The following ZNRF2 variants were observed in gnomAD, a reference collection of about 807,000 sequenced individuals.
The protein encoded by ZNRF2 is zinc and ring finger 2.
A neutral mutation model predicts 20.4 loss-of-function variants in ZNRF2; 16 were observed. That is an observed-to-expected ratio of 0.79 (90% confidence interval 0.53 to 1.19). ZNRF2 has a LOEUF of 1.19. Ranked by LOEUF, ZNRF2 falls within the 50% of genes most tolerant of loss-of-function variation. ZNRF2 has a pLI of 0.00. For synonymous variants in ZNRF2, 178 were observed against 144.9 expected, an observed-to-expected ratio of 1.23 and a Z score of -1.64; for missense variants, 363 against 332.4, an observed-to-expected ratio of 1.09 and a Z score of -0.72.
Position 30,307,974 on chromosome 7 carries a change from T to C in ZNRF2, c.470-15668T>C, listed in dbSNP as rs191331915. Among the ~76,000 whole-genome samples, 4 of 152,268 alleles carry C rather than the reference T, an allele frequency of 2.6e-5. No individual in the cohort carries two copies. The East Asian group carries it at 7.7e-4, about 29-fold the overall frequency. On this transcript the variant is annotated intron_variant, in intron 1 of 4. Transcript: ENST00000323037. ...AGTAGAGTTAGAAAATGAATACCAA[T>C]GCACCTGTCATCCATGTGCAGTAGA...
intron 1 of ZNRF2, among the ~76,000 whole-genome samples, chr7:30,305,091 G>A (rs1799178938): frequency 1.3e-5 from 2 of 152,196 alleles, no homozygotes; most frequent in South Asian, 4.1e-4. Context: ...AATTCTGTCA[G>A]TGTGCAGTTG....
At chr7:30,325,971 G>T (rs556886036) in intron 2 of ZNRF2, among the ~76,000 whole-genome samples, 6 of 152,158 alleles carry the variant, frequency 3.9e-5, no homozygotes, top group African/African-American at 1.4e-4. Flanking sequence ...TAATATGAGT[G>T]CCTTTAAATA....
At position 30,318,028 on chromosome 7, in the gene ZNRF2, A is replaced by G. The variant is rs145597296; in HGVS notation, c.470-5614A>G. ...AGCCTATTGATTATTGCCTTCTGGA[A>G]ATAAATTAGTCAGATTACCTAATTG... On this transcript the variant is annotated intron_variant, in intron 1 of 4. Transcript: ENST00000323037. 5.3e-4 allele frequency among the ~76,000 whole-genome samples: 80 copies of G among 152,314 alleles called. 1 individual carries two copies. Among genetic ancestry groups the G allele is most frequent in the African/African-American group, 1.8e-3 (74 of 41,574 alleles).
chr7:30,338,343 T>C (rs1398141188), intron 2 of ZNRF2, among the ~76,000 whole-genome samples: 3 of 151,856 alleles, frequency 2.0e-5, no homozygotes, highest in African/African-American at 4.8e-5. Context: ...TACATAGGTA[T>C]ACATGTGCCA....
intron 2 of ZNRF2, among the ~76,000 whole-genome samples, chr7:30,347,164 T>C (rs957530149): frequency 1.8e-4 from 28 of 152,182 alleles, no homozygotes; most frequent in Admixed American, 5.2e-4. Context: ...TAATGATCTT[T>C]CTCAGTTATA....
chr7:30,285,734 G>T lies in ZNRF2; in HGVS notation c.377G>T (p.Gly126Val), dbSNP rs1399785257. The T allele has an allele frequency of 6.8e-7, 1 of 1,477,884 alleles. No homozygotes were observed. Among genetic ancestry groups the T allele is most frequent in the East Asian group, 2.8e-5 (1 of 35,284 alleles). The allele number at this position is 1,477,884 out of a possible 1,614,324, so 91.5% of individuals were successfully genotyped here. ...SVHSSPEDGG[G>V]GRDRPVGGSP... ...CACAGCAGCCCTGAGGACGGCGGCG[G>T]CGGCCGGGACCGGCCGGTGGGCGGG... The change falls in exon 1 of 5, where the codon GGC (glycine) becomes GTC (valine). Residue 126 changes from glycine to valine, a missense_variant. This residue lies in a region of ZNRF2 where 302 missense variants were observed against 231.5 expected (regional missense o/e 1.30). Coordinates refer to ENST00000323037, the MANE Select transcript of ZNRF2 (RefSeq NM_147128.4).
intron 1 of ZNRF2, among the ~76,000 whole-genome samples, chr7:30,311,403 A>G (rs1451517332): frequency 1.3e-5 from 2 of 152,248 alleles, no homozygotes; most frequent in African/African-American, 4.8e-5. Flanking sequence ...TGGGGGATGT[A>G]GAAACGAACT....
In ZNRF2 at chr7:30,285,128, G is replaced by A; in HGVS notation, c.-230G>A. The A allele has an allele frequency of 2.4e-6, 1 of 417,256 alleles. No homozygotes were observed. Among genetic ancestry groups the A allele is most frequent in the Non-Finnish European group, 4.7e-6 (1 of 213,716 alleles). The allele number at this position is 417,256 out of a possible 1,614,324, so 25.8% of individuals were successfully genotyped here. On this transcript the variant is annotated 5_prime_UTR_variant, in exon 1 of 5. Coordinates refer to ENST00000323037, the MANE Select transcript of ZNRF2 (RefSeq NM_147128.4). ...GCAGCCGGGACCCCTTCCTCTCCGC[G>A]TCTCCTCGTCTCCCGCGCCCGCGTC...
At position 30,318,328 on chromosome 7, in the gene ZNRF2, A is replaced by G. The variant is rs140854638; in HGVS notation, c.470-5314A>G. 2.0e-5 allele frequency among the ~76,000 whole-genome samples: 3 copies of G among 152,306 alleles called. No homozygotes were observed. In the East Asian group the frequency reaches 5.8e-4, roughly 29 times the overall value. On this transcript the variant is annotated intron_variant, in intron 1 of 4. Coordinates refer to ENST00000323037, the MANE Select transcript of ZNRF2 (RefSeq NM_147128.4). ...TTTGGATATAGTGATTGAGAGGATC[A>G]GTTCTTCTGGGTGATTTTTGCTGGT...
At chr7:30,329,862 G>A (rs1007930132) in intron 2 of ZNRF2, among the ~76,000 whole-genome samples, 1 of 151,942 alleles carries the variant, frequency 6.6e-6, no homozygotes. Context: ...TCTCTTTTTC[G>A]TTTTTTGAGG....
chr7:30,364,715 C>G (rs546217576), intron 4 of ZNRF2, among the ~76,000 whole-genome samples: 1 of 152,202 alleles, frequency 6.6e-6, no homozygotes, highest in South Asian at 2.1e-4. Flanking sequence ...AAATTTTTGT[C>G]TTAGTATTTT....
intron 1 of ZNRF2, among the ~76,000 whole-genome samples, chr7:30,294,549 C>T (rs1435103634): frequency 1.3e-5 from 2 of 152,120 alleles, no homozygotes; most frequent in Non-Finnish European, 1.5e-5. Flanking sequence ...TTGGGAGGCC[C>T]AGGTGGGTGG....
chr7:30,335,136 A>C (rs1305590192), intron 2 of ZNRF2, among the ~76,000 whole-genome samples: 2 of 152,090 alleles, frequency 1.3e-5, no homozygotes, highest in African/African-American at 4.8e-5. Context: ...ACGTTTGAGG[A>C]CTATGACATC....
At chr7:30,355,239 T>C (rs1800018450) in intron 2 of ZNRF2, among the ~76,000 whole-genome samples, 1 of 152,146 alleles carries the variant, frequency 6.6e-6, no homozygotes, top group African/African-American at 2.4e-5. Flanking sequence ...TTGCATTTTC[T>C]TGAGTTAAGC....
At chr7:30,286,589 T>C (rs1377017090) in intron 1 of ZNRF2, among the ~76,000 whole-genome samples, 1 of 152,214 alleles carries the variant, frequency 6.6e-6, no homozygotes, top group Non-Finnish European at 1.5e-5. Flanking sequence ...AAATGGACAT[T>C]TTTAATAGCA....
At chr7:30,303,806 G>C (rs971477524) in intron 1 of ZNRF2, among the ~76,000 whole-genome samples, 1 of 152,110 alleles carries the variant, frequency 6.6e-6, no homozygotes, top group Non-Finnish European at 1.5e-5. Flanking sequence ...AGGCAGAAAG[G>C]GTACCAGCAA....
chr7:30,365,147 CTTTTTTTTTT>C (rs533354831), intron 4 of ZNRF2, among the ~76,000 whole-genome samples: 15,008 of 71,640 alleles, frequency 0.21, 1,301 homozygotes, highest in South Asian at 0.4. Context: ...AGCTGATAAG[CTTTTTTTTTT>C]TTTTTTTTTT....
chr7:30,313,152 A>G (rs1799316760), intron 1 of ZNRF2, among the ~76,000 whole-genome samples: 1 of 152,210 alleles, frequency 6.6e-6, no homozygotes, highest in African/African-American at 2.4e-5. Context: ...GTGTTTGTTT[A>G]GAAACATTAT....
At chr7:30,287,260 G>T (rs893799423) in intron 1 of ZNRF2, among the ~76,000 whole-genome samples, 2 of 152,142 alleles carry the variant, frequency 1.3e-5, no homozygotes, top group East Asian at 3.8e-4. Context: ...GAATATAAAA[G>T]GCAGTTTCTG....
Sources: allele counts gnomAD v4.1 joint callset (sites outside exome capture counted in the v4.1 genomes callset), GRCh38; gene constraint gnomAD v4.1.1; regional missense constraint gnomAD v4.1.1; transcripts MANE v1.5; gene names NCBI Gene and HGNC (gene_info 2026-07-23, HGNC 2026-07-21).